Variants in LRP1B observed in about 807,000 individuals in gnomAD.
LRP1B encodes the protein LDL receptor related protein 1B.
Under a neutral mutation model 556.6 loss-of-function variants are expected in LRP1B, and 217 were observed. That is an observed-to-expected ratio of 0.39 (90% CI 0.35 to 0.44). The LOEUF is 0.44. Ranked by LOEUF, LRP1B falls within the 20% of genes least tolerant of loss-of-function variation. The probability of loss-of-function intolerance (pLI) is 1.00; values close to 1 mark genes in which losing one functional copy is unlikely to be tolerated. For synonymous variants in LRP1B, 2,047 were observed against 1,865.8 expected, an observed-to-expected ratio of 1.10 and a Z score of -2.50; for missense variants, 5,053 against 5,620.8, an observed-to-expected ratio of 0.90 and a Z score of 3.23.
chr2:140,536,699 G>A lies in LRP1B; in HGVS notation c.7524C>T (p.Ser2508=), dbSNP rs201974635. Residue 2508 remains serine (S), a synonymous_variant, in exon 46 of 91, where the codon TCC becomes TCT. Coordinates refer to ENST00000389484, the MANE Select transcript of LRP1B (RefSeq NM_018557.3). ...CAAACTCCGAATAAGCGTTGCAGGA[G>A]GAATTTTTAGCTGCAAGAAAAAAAA... ...LEDNRCVTKN[S]SCNAYSEFEC... The A allele has an allele frequency of 1.3e-6, 2 of 1,586,776 alleles. No individual in the cohort carries two copies. The highest frequency in any genetic ancestry group is 1.7e-6 in the Non-Finnish European group (2 of 1,170,670).
chr2:141,223,065 G>C (rs952690768), intron 6 of LRP1B, among the ~76,000 whole-genome samples: 1 of 152,074 alleles, frequency 6.6e-6, no homozygotes, highest in Non-Finnish European at 1.5e-5. Flanking sequence ...AGAAATAAAG[G>C]GGATTCAAAT....
intron 3 of LRP1B, among the ~76,000 whole-genome samples, chr2:141,374,123 G>T (rs1689341108): frequency 6.6e-6 from 1 of 151,914 alleles, no homozygotes; most frequent in Non-Finnish European, 1.5e-5. Context: ...CTTCAGGCAG[G>T]GTATGTTTAT....
At chr2:141,208,828 C>A (rs536083495) in intron 6 of LRP1B, among the ~76,000 whole-genome samples, 9 of 126,030 alleles carry the variant, frequency 7.1e-5, no homozygotes, top group African/African-American at 2.7e-4. Context: ...GAGATCACGC[C>A]GCTGCACTCC....
At chr2:141,581,052 G>A (rs1168497171) in intron 2 of LRP1B, among the ~76,000 whole-genome samples, 4 of 152,208 alleles carry the variant, frequency 2.6e-5, no homozygotes, top group Admixed American at 1.3e-4. Context: ...GAAAGTGTTT[G>A]AAAACTGATG....
intron 3 of LRP1B, among the ~76,000 whole-genome samples, chr2:141,275,346 C>G (rs1182391341): frequency 6.6e-6 from 1 of 152,098 alleles, no homozygotes; most frequent in Non-Finnish European, 1.5e-5. Flanking sequence ...GGGGAGAATT[C>G]TAAGCAAACA....
chr2:140,583,198 C>T (rs1362863402), intron 43 of LRP1B, among the ~76,000 whole-genome samples: 2 of 99,516 alleles, frequency 2.0e-5, no homozygotes, highest in African/African-American at 4.9e-5. Flanking sequence ...TTTTTTGAGA[C>T]AGCATCTCTC....
intron 11 of LRP1B, among the ~76,000 whole-genome samples, chr2:141,032,390 A>G (rs776840340): frequency 3.3e-5 from 5 of 152,120 alleles, no homozygotes; most frequent in Non-Finnish European, 5.9e-5. Context: ...AATCTTATGT[A>G]CCATTTAAAT....
Position 141,284,999 on chromosome 2 carries a change from T to C in LRP1B, c.344-30358A>G, listed in dbSNP as rs80069124. Among the ~76,000 whole-genome samples the C allele has an allele frequency of 4.0e-3, 615 of 152,310 alleles. 2 individuals carry two copies. The highest frequency in any genetic ancestry group is 0.014 in the African/African-American group (591 of 41,570). ...GTCAATTTCTACAAAAAATTATACATTTAACATTGTATTCAGGGACTTCAC... is the reference window on the plus strand; with the variant it reads ...GTCAATTTCTACAAAAAATTATACACTTAACATTGTATTCAGGGACTTCAC... On this transcript the variant is annotated intron_variant, in intron 3 of 90. Coordinates refer to ENST00000389484, the MANE Select transcript of LRP1B (RefSeq NM_018557.3).
intron 7 of LRP1B, among the ~76,000 whole-genome samples, chr2:141,079,723 C>A (rs554635566): frequency 6.6e-6 from 1 of 152,096 alleles, no homozygotes; most frequent in African/African-American, 2.4e-5. Flanking sequence ...TGTTAGTGCA[C>A]TGGATTCAGG....
In LRP1B at chr2:140,676,093, A is replaced by T. The variant is rs1422328308; in HGVS notation, c.6799+24157T>A. Reference sequence around the variant, plus strand: ...GAAAACTGTATTAAATGTAAAACTAAGTACTTATTTTCACATAAACAATAG... The same window carrying T: ...GAAAACTGTATTAAATGTAAAACTATGTACTTATTTTCACATAAACAATAG... On this transcript the variant is annotated intron_variant, in intron 41 of 90. Transcript: ENST00000389484. Among the ~76,000 whole-genome samples, 5 of 152,336 alleles carry T rather than the reference A, an allele frequency of 3.3e-5. No individual in the cohort carries two copies. In the East Asian group the frequency reaches 9.6e-4, roughly 29 times the overall value.
intron 1 of LRP1B, among the ~76,000 whole-genome samples, chr2:141,904,018 G>C (rs940056149): frequency 6.6e-6 from 1 of 151,900 alleles, no homozygotes; most frequent in Non-Finnish European, 1.5e-5. Flanking sequence ...AGCACGAAGG[G>C]TAATGGAAAG....
intron 2 of LRP1B, among the ~76,000 whole-genome samples, chr2:141,736,727 C>G (rs1693479801): frequency 6.6e-6 from 1 of 152,134 alleles, no homozygotes; most frequent in African/African-American, 2.4e-5. Flanking sequence ...CATCTTTGAA[C>G]TTTGAACTTC....
chr2:140,312,526 G>GTCTTAATGATAT (rs1255206611), intron 83 of LRP1B, among the ~76,000 whole-genome samples: 1 of 151,880 alleles, frequency 6.6e-6, no homozygotes, highest in Non-Finnish European at 1.5e-5. Flanking sequence ...CAGCAAAAAT[G>GTCTTAATGATAT]TCTTAATGAT....
At chr2:140,862,595 A>ATATC (rs1692831139) in intron 27 of LRP1B, among the ~76,000 whole-genome samples, 1 of 152,188 alleles carries the variant, frequency 6.6e-6, no homozygotes, top group South Asian at 2.1e-4. Flanking sequence ...AACTCTAAGT[A>ATATC]TATCTCATCA....
At chr2:141,583,074 G>A (rs536862075) in intron 2 of LRP1B, among the ~76,000 whole-genome samples, 1 of 152,120 alleles carries the variant, frequency 6.6e-6, no homozygotes, top group African/African-American at 2.4e-5. Flanking sequence ...CTGACCTCGT[G>A]ATCCGCCCCC....
chr2:141,961,057 A>G (rs1411851959), intron 1 of LRP1B, among the ~76,000 whole-genome samples: 1 of 151,708 alleles, frequency 6.6e-6, no homozygotes, highest in African/African-American at 2.4e-5. Flanking sequence ...TAAATTCTTA[A>G]TTTAGTTACT....
chr2:142,063,317 G>A (rs753679755), intron 1 of LRP1B, among the ~76,000 whole-genome samples: 88 of 151,598 alleles, frequency 5.8e-4, no homozygotes, highest in South Asian at 3.9e-3. Flanking sequence ...TGGTATGAAA[G>A]CCAATAAAAC....
chr2:140,953,722 C>A (rs1225478411), intron 18 of LRP1B, among the ~76,000 whole-genome samples: 1 of 152,026 alleles, frequency 6.6e-6, no homozygotes, highest in Non-Finnish European at 1.5e-5. Context: ...ATATGAATAA[C>A]AAAAATATAT....
At chr2:140,783,503 C>T (rs978650328) in intron 32 of LRP1B, among the ~76,000 whole-genome samples, 3 of 133,028 alleles carry the variant, frequency 2.3e-5, no homozygotes, top group African/African-American at 8.7e-5. Context: ...ATTCATAAGG[C>T]TACACAGATG....
Sources: gnomAD v4.1 joint callset for allele counts (sites outside exome capture counted in the v4.1 genomes callset) on GRCh38, gnomAD v4.1.1 for gene constraint, MANE v1.5 for transcripts, NCBI Gene and HGNC (gene_info 2026-07-23, HGNC 2026-07-21) for gene names.